The following SLC9A9 variants were observed in gnomAD, a reference collection of about 807,000 sequenced individuals.
SLC9A9 encodes the protein solute carrier family 9 member A9.
SLC9A9 carries 62 observed loss-of-function variants against 77.8 expected under a neutral mutation model. The observed-to-expected ratio is 0.80, with a 90% CI of 0.65 to 0.98. The LOEUF (loss-of-function observed/expected upper bound fraction) is 0.98. SLC9A9 is among the 50% of genes least tolerant of loss of function. SLC9A9 has a pLI of 0.00. For missense variants in SLC9A9, 775 were observed against 774.9 expected (o/e 1.00, Z 0.00); for synonymous variants, 320 against 283.5 (o/e 1.13, Z -1.29).
In SLC9A9 at chr3:143,654,998, A is replaced by C. The variant is rs550480247; in HGVS notation, c.650-2638T>G. Among the ~76,000 whole-genome samples, 3 of 152,366 alleles carry C rather than the reference A, an allele frequency of 2.0e-5. No individual in the cohort carries two copies. The East Asian group carries it at 5.8e-4, about 29-fold the overall frequency. ...TCATAAACGATGTCCCACACAAAAG[A>C]GAAAACTGTTACTTTGCACATTCTT... On this transcript the variant is annotated intron_variant, in intron 5 of 15. Transcript: ENST00000316549.
chr3:143,338,622 T>TC (rs2031998184), intron 14 of SLC9A9, among the ~76,000 whole-genome samples: 1 of 152,150 alleles, frequency 6.6e-6, no homozygotes, highest in Non-Finnish European at 1.5e-5. Flanking sequence ...GCCTTACAGG[T>TC]GCTTGTTTTC....
chr3:143,472,207 T>TAGG (rs2035389984), intron 11 of SLC9A9, among the ~76,000 whole-genome samples: 1 of 152,236 alleles, frequency 6.6e-6, no homozygotes, highest in Non-Finnish European at 1.5e-5. Context: ...TGTTCCAGTG[T>TAGG]TCATGGTCCT....
intron 14 of SLC9A9, among the ~76,000 whole-genome samples, chr3:143,312,531 GGGATCCA>G (rs2031053750): frequency 6.6e-6 from 1 of 152,202 alleles, no homozygotes; most frequent in South Asian, 2.1e-4. Flanking sequence ...AGGGTGAGAT[GGGATCCA>G]GTGAAGCCAT....
rs186057301 is a variant in SLC9A9, at chr3:143,494,056, T to A, written c.1204-292A>T. 2.6e-5 allele frequency among the ~76,000 whole-genome samples: 4 copies of A among 152,338 alleles called. No homozygotes were observed. In the East Asian group the frequency reaches 7.7e-4, roughly 29 times the overall value. On this transcript the variant is annotated intron_variant, in intron 10 of 15. Coordinates refer to ENST00000316549, the MANE Select transcript of SLC9A9 (RefSeq NM_173653.4). Reference sequence around the variant, plus strand: ...TAATCACATTTATATTGCTGATGACTGACTATCCTCAATTCTGCTGTAAAA... The same window carrying A: ...TAATCACATTTATATTGCTGATGACAGACTATCCTCAATTCTGCTGTAAAA...
At chr3:143,707,135 A>C (rs1934003503) in intron 4 of SLC9A9, among the ~76,000 whole-genome samples, 2 of 152,148 alleles carry the variant, frequency 1.3e-5, no homozygotes, top group Admixed American at 1.3e-4. Context: ...TCGCTCAAAC[A>C]GCTACAACCC....
intron 9 of SLC9A9, among the ~76,000 whole-genome samples, chr3:143,536,072 A>C (rs1332717361): frequency 2.6e-5 from 4 of 152,204 alleles, no homozygotes; most frequent in Non-Finnish European, 5.9e-5. Context: ...GCATAATAGA[A>C]TAGATAGCAA....
chr3:143,338,974 G>T lies in SLC9A9; in HGVS notation c.1604+24510C>A, dbSNP rs576231808. On this transcript the variant is annotated intron_variant, in intron 14 of 15. Coordinates refer to ENST00000316549, the MANE Select transcript of SLC9A9 (RefSeq NM_173653.4). ...GTGAACTGAAAAATTCTTAACTTCT[G>T]TTCTCTGATAAGCATTCCTGGCTTA... Among the ~76,000 whole-genome samples, 389 of 152,258 alleles carry T rather than the reference G, an allele frequency of 2.6e-3. 1 individual carries two copies. Among genetic ancestry groups the T allele is most frequent in the African/African-American group, 9.0e-3 (376 of 41,558 alleles).
intron 2 of SLC9A9, among the ~76,000 whole-genome samples, chr3:143,805,396 AC>A (rs1317151240): frequency 2.0e-5 from 3 of 151,702 alleles, no homozygotes; most frequent in Non-Finnish European, 2.9e-5. Flanking sequence ...TCTCCATGCC[AC>A]CCCCCAAAAA....
intron 12 of SLC9A9, among the ~76,000 whole-genome samples, chr3:143,386,194 T>C (rs1201862119): frequency 6.6e-6 from 1 of 152,212 alleles, no homozygotes; most frequent in Non-Finnish European, 1.5e-5. Flanking sequence ...TGCTCCCAAA[T>C]AGAATCCCTT....
At chr3:143,761,317 G>A (rs1036649471) in intron 4 of SLC9A9, among the ~76,000 whole-genome samples, 49 of 152,244 alleles carry the variant, frequency 3.2e-4, no homozygotes, top group African/African-American at 4.6e-4. Context: ...AAAAGCCATG[G>A]CAACAAAAGC....
chr3:143,397,495 C>G lies in SLC9A9; in HGVS notation c.1470-15381G>C, dbSNP rs76607383. On this transcript the variant is annotated intron_variant, in intron 12 of 15. Transcript: ENST00000316549. ...ATGGTTGAAAAACAAATCCCAGACT[C>G]TCAGGGGTCTGAGCGAGAAGTGGAA... is the stretch of plus-strand genomic sequence containing the variant. Among the ~76,000 whole-genome samples the G allele has an allele frequency of 4.2e-3, 645 of 152,306 alleles. 4 individuals are homozygous for G. The highest frequency in any genetic ancestry group is 0.015 in the African/African-American group (615 of 41,568).
At chr3:143,355,319 G>A (rs79949811) in intron 14 of SLC9A9, among the ~76,000 whole-genome samples, 5,822 of 152,226 alleles carry the variant, frequency 0.038, 177 homozygotes, top group East Asian at 0.17. Flanking sequence ...CATGATGCCT[G>A]TCTTTAAGAC....
At chr3:143,829,886 A>G (rs1304928829) in intron 2 of SLC9A9, among the ~76,000 whole-genome samples, 1 of 152,160 alleles carries the variant, frequency 6.6e-6, no homozygotes, top group Non-Finnish European at 1.5e-5. Context: ...CATTAAAACA[A>G]TCCTGCAGAA....
chr3:143,429,313 A>C (rs920145500), intron 12 of SLC9A9, among the ~76,000 whole-genome samples: 9 of 152,208 alleles, frequency 5.9e-5, no homozygotes, highest in African/African-American at 2.2e-4. Context: ...ACTGAATCAA[A>C]TGGTAACTCA....
At chr3:143,737,570 A>G (rs1031018989) in intron 4 of SLC9A9, among the ~76,000 whole-genome samples, 2 of 152,144 alleles carry the variant, frequency 1.3e-5, no homozygotes, top group Non-Finnish European at 2.9e-5. Context: ...TGAGTCTCAA[A>G]TATGTCCAGA....
intron 9 of SLC9A9, among the ~76,000 whole-genome samples, chr3:143,520,399 AAG>A (rs2036276873): frequency 6.6e-6 from 1 of 152,222 alleles, no homozygotes; most frequent in Non-Finnish European, 1.5e-5. Context: ...GCAAACCAGG[AAG>A]AGAGTCCTCA....
At chr3:143,814,988 G>T (rs1281459032) in intron 2 of SLC9A9, among the ~76,000 whole-genome samples, 2 of 151,512 alleles carry the variant, frequency 1.3e-5, no homozygotes, top group South Asian at 4.2e-4. Context: ...TCTGATAAAT[G>T]GCTCTTGGAT....
At chr3:143,387,121 G>A (rs1368694382) in intron 12 of SLC9A9, among the ~76,000 whole-genome samples, 1 of 152,190 alleles carries the variant, frequency 6.6e-6, no homozygotes, top group Non-Finnish European at 1.5e-5. Context: ...GATTACAGGT[G>A]TGAGCCACTG....
intron 7 of SLC9A9, 151 bp downstream of exon 7, chr3:143,578,434 G>A: frequency 8.3e-7 from 1 of 1,205,052 alleles, no homozygotes; most frequent in South Asian, 1.3e-5. Context: ...AGGGGTGACT[G>A]AGAACCAAGA....
Sources: gnomAD v4.1 joint callset for allele counts (sites outside exome capture counted in the v4.1 genomes callset) on GRCh38, gnomAD v4.1.1 for gene constraint, MANE v1.5 for transcripts, NCBI Gene and HGNC (gene_info 2026-07-23, HGNC 2026-07-21) for gene names.